F13B: variants seen among roughly 807,000 people sequenced by gnomAD.
F13B encodes TGase.
In F13B, 58 loss-of-function variants were observed where a neutral mutation model predicts 79.8. That is an observed-to-expected ratio of 0.73 (90% CI 0.59 to 0.90). The LOEUF is 0.90. F13B is among the 40% of genes least tolerant of loss of function. The pLI is 0.00. For missense variants in F13B, 773 were observed against 777.0 expected (o/e 0.99, Z 0.06); for synonymous variants, 283 against 260.3 (o/e 1.09, Z -0.84).
At position 197,052,803 on chromosome 1, in the gene F13B, G is replaced by A. The variant is rs751913473; in HGVS notation, c.1386C>T (p.Asn462=). 8.1e-6 allele frequency: 13 copies of A among 1,609,658 alleles called. No individual in the cohort carries two copies. The highest frequency in any genetic ancestry group is 1.1e-5 in the Non-Finnish European group (13 of 1,178,158). ...TCCACTTCATTTCTATGTTATTTCTGTTCATGTAATCCACATTAACAGTAC... is the reference window on the plus strand; with the variant it reads ...TCCACTTCATTTCTATGTTATTTCTATTCATGTAATCCACATTAACAGTAC... ...EPCTVNVDYM[N]RNNIEMKWKY... The change falls in exon 9 of 12, where the codon AAC becomes AAT. Residue 462 remains asparagine (N), a synonymous_variant. Coordinates refer to ENST00000367412, the MANE Select transcript of F13B (RefSeq NM_001994.3).
chr1:197,045,563 C>T (rs1034595015), intron 10 of F13B, among the ~76,000 whole-genome samples: 1 of 151,946 alleles, frequency 6.6e-6, no homozygotes, highest in Non-Finnish European at 1.5e-5. Context: ...GGATTCACAG[C>T]CGAATTCTAC....
intron 9 of F13B, among the ~76,000 whole-genome samples, chr1:197,051,198 T>A (rs943116652): frequency 3.3e-5 from 5 of 152,148 alleles, no homozygotes; most frequent in African/African-American, 1.2e-4. Context: ...CGTGAGCCAC[T>A]GCACCTAGCC....
In F13B at chr1:197,057,183, A is replaced by T; in HGVS notation, c.1001T>A (p.Val334Glu). ...PPKCIEGQEK[V>E]ACEEPPFIEN... ...AATGAAGGGTGGTTCCTCACAGGCTACCTTCTCCTGTCCTTCTGAAAAGGT... is the reference window on the plus strand; with the variant it reads ...AATGAAGGGTGGTTCCTCACAGGCTTCCTTCTCCTGTCCTTCTGAAAAGGT... Residue 334 changes from valine (V) to glutamate (E), a missense_variant, in exon 7 of 12, where the codon GTA (valine) becomes GAA (glutamate). Val to Glu is a moderately radical substitution (Grantham distance 121). Transcript: ENST00000367412. 1.2e-6 allele frequency: 2 copies of T among 1,613,900 alleles called. No individual in the cohort carries two copies. Among genetic ancestry groups the T allele is most frequent in the Non-Finnish European group, 1.7e-6 (2 of 1,179,920 alleles).
rs1655003101 is a variant in F13B at position 197,040,565 on chromosome 1, C to G, written c.1909G>C (p.Asp637His). Residue 637 changes from aspartate (D) to histidine (H), a missense_variant, in exon 11 of 12, where the codon GAC (aspartate) becomes CAC (histidine). Transcript: ENST00000367412. ...ITGSILRMQCDRGQLKYPRCI... is the reference protein window; with the variant it reads ...ITGSILRMQCHRGQLKYPRCI... ...CTTGGATATTTTAACTGCCCTCTGT[C>G]ACATTGCATTCTAAGTATAGATCCA... The G allele has an allele frequency of 6.2e-7, 1 of 1,612,734 alleles. No individual in the cohort carries two copies. Among genetic ancestry groups the G allele is most frequent in the Admixed American group, 1.7e-5 (1 of 59,944 alleles).
intron 8 of F13B, among the ~76,000 whole-genome samples, chr1:197,055,413 G>T (rs1214791331): frequency 6.6e-6 from 1 of 152,000 alleles, no homozygotes; most frequent in East Asian, 1.9e-4. Flanking sequence ...GTATACCAGG[G>T]AGGGAATTTC....
intron 10 of F13B, among the ~76,000 whole-genome samples, chr1:197,042,231 A>C (rs1655061944): frequency 6.6e-6 from 1 of 152,234 alleles, no homozygotes; most frequent in South Asian, 2.1e-4. Context: ...GGTGATGAAA[A>C]TGAACAAGAA....
At chr1:197,065,603 C>T (rs974667404) in intron 1 of F13B, among the ~76,000 whole-genome samples, 10 of 152,098 alleles carry the variant, frequency 6.6e-5, no homozygotes, top group African/African-American at 2.4e-4. Flanking sequence ...TTCAAAACTG[C>T]CATTCTGCAA....
rs1323885336 is a variant in F13B, at chr1:197,040,678, T to C, written c.1796A>G (p.Asp599Gly). 2 of 1,612,920 alleles carry C rather than the reference T, an allele frequency of 1.2e-6. No individual in the cohort carries two copies. The highest frequency in any genetic ancestry group is 3.3e-5 in the Admixed American group (2 of 59,898). ...CAAAATGTGTGGTCTATTGTCAAAA[T>C]CCCATTTCAGAAGTAAATTATTCTT... ...MEKNNLLLKW[D>G]FDNRPHILHG... Residue 599 changes from aspartate (D) to glycine (G), a missense_variant, in exon 11 of 12, where the codon GAT (aspartate) becomes GGT (glycine). Asp to Gly is a moderately conservative substitution (Grantham distance 94). Coordinates refer to ENST00000367412, the MANE Select transcript of F13B (RefSeq NM_001994.3).
chr1:197,039,496 A>C, intron 11 of F13B, 85 bp from the exon 12 acceptor site: 1 of 1,007,568 alleles, frequency 9.9e-7, no homozygotes, highest in South Asian at 1.4e-5. Context: ...AATTTTTCAT[A>C]TAATGAGTCA....
intron 8 of F13B, among the ~76,000 whole-genome samples, 188 bp downstream of exon 8, chr1:197,055,527 T>C (rs1166128718): frequency 6.6e-6 from 1 of 152,104 alleles, no homozygotes; most frequent in Non-Finnish European, 1.5e-5. Context: ...GTAAATTTTA[T>C]GTTATGTATA....
At chr1:197,048,760 C>A (rs1655332101) in intron 10 of F13B, among the ~76,000 whole-genome samples, 1 of 152,004 alleles carries the variant, frequency 6.6e-6, no homozygotes, top group African/African-American at 2.4e-5. Context: ...ACTTAAACAT[C>A]AAAAACAAAA....
rs1375029651 is a variant in F13B, at chr1:197,050,702, C to T, written c.1733G>A (p.Cys578Tyr). Residue 578 changes from cysteine (C) to tyrosine (Y), a missense_variant, in exon 10 of 12, where the codon TGT (cysteine) becomes TAT (tyrosine). Cys to Tyr is a radical substitution (Grantham distance 194). Coordinates refer to ENST00000367412, the MANE Select transcript of F13B (RefSeq NM_001994.3). ...LDGMWTTPPL[C>Y]LEPCTLSFTE... ...GCATATTTAGTAGTACATACCTAAA[C>T]ACAATGGTGGTGTAGTCCACATTCC... The T allele has an allele frequency of 1.2e-6, 2 of 1,612,830 alleles. No individual in the cohort carries two copies. The highest frequency in any genetic ancestry group is 3.3e-5 in the Admixed American group (2 of 59,840).
Position 197,061,832 on chromosome 1 carries a change from A to T in F13B, c.403T>A (p.Cys135Ser). 6.2e-7 allele frequency: 1 copy of T among 1,613,510 alleles called. No homozygotes were observed. The highest frequency in any genetic ancestry group is 8.5e-7 in the Non-Finnish European group (1 of 1,179,642). ...TGGKDEEVVQ[C>S]LSDGWSSQPT... is the part of the protein sequence containing the mutation. ...TGAGAAGACCATCCATCAGAGAGAC[A>T]TTGAACCACTTCTTCATCCTTCCCT... Residue 135 changes from cysteine (C) to serine (S), a missense_variant, in exon 3 of 12, where the codon TGT becomes AGT. Cys to Ser is a moderately radical substitution (Grantham distance 112). Coordinates refer to ENST00000367412, the MANE Select transcript of F13B (RefSeq NM_001994.3).
intron 9 of F13B, 21 bp from the exon 10 acceptor site, chr1:197,050,900 G>A (rs1228266249): frequency 6.3e-7 from 1 of 1,595,468 alleles, no homozygotes; most frequent in Non-Finnish European, 8.6e-7. Flanking sequence ...AAGTTTTAAA[G>A]TATACAATGA....
intron 7 of F13B, among the ~76,000 whole-genome samples, chr1:197,056,795 G>A (rs1329552037): frequency 6.6e-6 from 1 of 152,152 alleles, no homozygotes; most frequent in Non-Finnish European, 1.5e-5. Context: ...AAAAACTTTT[G>A]TTTAAGAATT....
chr1:197,066,914 C>G lies in F13B; in HGVS notation c.64+246G>C, dbSNP rs1485634014. ...TTTCGAAGTATTTAGATCCTGGTCT[C>G]CTATGCCCCCTAGAGATACAAGGGT... On this transcript the variant is annotated intron_variant, in intron 1 of 11. Transcript: ENST00000367412. 2.6e-5 allele frequency among the ~76,000 whole-genome samples: 4 copies of G among 152,154 alleles called. No individual in the cohort carries two copies. In the East Asian group the frequency reaches 7.7e-4, roughly 29 times the overall value.
intron 10 of F13B, among the ~76,000 whole-genome samples, chr1:197,046,740 C>T (rs921162501): frequency 4.6e-5 from 7 of 152,228 alleles, no homozygotes; most frequent in South Asian, 4.1e-4. Context: ...CTGGAGGCAT[C>T]AGGCTACCTG....
At chr1:197,040,767 AAAAG>A in intron 10 of F13B, 32 bp from the exon 11 acceptor site, 1 of 1,530,348 alleles carries the variant, frequency 6.5e-7, no homozygotes, top group Non-Finnish European at 8.9e-7. Flanking sequence ...AAAAGAAAGA[AAAAG>A]AAGAAAACTA....
chr1:197,039,345 T>A lies in F13B; in HGVS notation c.*33A>T. ...ATTTTATAAGGAATTTCATGATGTA[T>A]TGAAATATGACTCCTCTTTCTGCCA... On this transcript the variant is annotated 3_prime_UTR_variant, in exon 12 of 12. Coordinates refer to ENST00000367412, the MANE Select transcript of F13B (RefSeq NM_001994.3). The A allele has an allele frequency of 6.4e-7, 1 of 1,562,842 alleles. No homozygotes were observed. The highest frequency in any genetic ancestry group is 8.8e-7 in the Non-Finnish European group (1 of 1,135,264).
Sources: gnomAD v4.1 joint callset for allele counts (sites outside exome capture counted in the v4.1 genomes callset) on GRCh38, gnomAD v4.1.1 for gene constraint, MANE v1.5 for transcripts, NCBI Gene and HGNC (gene_info 2026-07-23, HGNC 2026-07-21) for gene names.